LCORL: variants seen among roughly 807,000 people sequenced by gnomAD.
The protein encoded by LCORL is ligand dependent nuclear receptor corepressor like.
In LCORL, 41 loss-of-function variants were observed where a neutral mutation model predicts 141.8. The observed-to-expected ratio is 0.29, with a 90% CI of 0.23 to 0.38. The LOEUF (loss-of-function observed/expected upper bound fraction) is 0.38. LCORL is among the 10% of genes least tolerant of loss of function. LCORL has a pLI of 1.00. For missense variants in LCORL, 1,759 were observed against 2,035.0 expected, an observed-to-expected ratio of 0.86 and a Z score of 2.61; for synonymous variants, 618 against 694.1, an observed-to-expected ratio of 0.89 and a Z score of 1.72.
chr4:18,001,772 C>T (rs1722004380), intron 1 of LCORL, among the ~76,000 whole-genome samples: 1 of 152,156 alleles, frequency 6.6e-6, no homozygotes, highest in Admixed American at 6.5e-5. Flanking sequence ...TCACAATTCA[C>T]TACAAAATCA....
At chr4:17,892,359 C>T (rs1287348411) in intron 5 of LCORL, among the ~76,000 whole-genome samples, 2 of 151,942 alleles carry the variant, frequency 1.3e-5, no homozygotes, top group East Asian at 3.9e-4. Flanking sequence ...CAGGCACTGG[C>T]CACCAAGCCC....
intron 5 of LCORL, among the ~76,000 whole-genome samples, chr4:17,903,048 G>C (rs566618260): frequency 3.3e-5 from 5 of 152,072 alleles, no homozygotes; most frequent in African/African-American, 1.2e-4. Context: ...GTTTAAAATG[G>C]AAAATTTCAC....
chr4:17,910,739 T>G (rs1477920527), intron 4 of LCORL, among the ~76,000 whole-genome samples: 1 of 152,224 alleles, frequency 6.6e-6, no homozygotes, highest in East Asian at 1.9e-4. Context: ...AAACATGACT[T>G]AAGCTGATAT....
chr4:17,960,890 T>C (rs1437793134), intron 4 of LCORL, among the ~76,000 whole-genome samples: 6 of 146,108 alleles, frequency 4.1e-5, no homozygotes, highest in Non-Finnish European at 7.4e-5. Context: ...TTCTTAATTT[T>C]AGGCCTTTAA....
chr4:17,882,643 T>C, intron 6 of LCORL: 1 of 984,740 alleles, frequency 1.0e-6, no homozygotes, highest in Non-Finnish European at 1.2e-6. Context: ...AAAATGATAA[T>C]GTATCGCCCA....
chr4:17,916,451 A>C (rs1044768783), intron 4 of LCORL, among the ~76,000 whole-genome samples: 43 of 152,118 alleles, frequency 2.8e-4, no homozygotes, highest in African/African-American at 9.9e-4. Context: ...AGTCCACGTG[A>C]GATCTGGTTG....
intron 7 of LCORL, among the ~76,000 whole-genome samples, chr4:17,863,746 A>T (rs1725280496): frequency 6.6e-6 from 1 of 152,236 alleles, no homozygotes; most frequent in Non-Finnish European, 1.5e-5. Context: ...GACTCAACCT[A>T]AATCCCATCA....
chr4:17,874,306 A>T (rs1726691011), exon 7 of LCORL: 1 of 1,233,936 alleles, frequency 8.1e-7, no homozygotes, highest in Non-Finnish European at 1.0e-6. Flanking sequence ...GAAGGAGAAG[A>T]GAGTGCAAAT....
intron 1 of LCORL, among the ~76,000 whole-genome samples, chr4:18,007,305 T>C (rs922623546): frequency 2.6e-5 from 4 of 152,326 alleles, no homozygotes; most frequent in Middle Eastern, 3.4e-3. Flanking sequence ...GTATAAGCAC[T>C]TAATGCCTAA....
intron 5 of LCORL, among the ~76,000 whole-genome samples, chr4:17,896,296 CTT>C (rs1473085679): frequency 6.6e-6 from 1 of 152,040 alleles, no homozygotes; most frequent in Non-Finnish European, 1.5e-5. Flanking sequence ...CTCTCTCTCT[CTT>C]TCAAGAGGGA....
chr4:17,954,908 A>C (rs1712283428), intron 4 of LCORL, among the ~76,000 whole-genome samples: 1 of 152,210 alleles, frequency 6.6e-6, no homozygotes, highest in African/African-American at 2.4e-5. Flanking sequence ...TGGGATGCCT[A>C]TTAGCCACTG....
chr4:17,923,314 A>G (rs1387881013), intron 4 of LCORL, among the ~76,000 whole-genome samples: 5 of 152,146 alleles, frequency 3.3e-5, no homozygotes, highest in Non-Finnish European at 5.9e-5. Flanking sequence ...AAAAGGTTCT[A>G]ATAGTTTATT....
At chr4:17,976,314 T>G (rs890163618) in intron 1 of LCORL, among the ~76,000 whole-genome samples, 12 of 152,192 alleles carry the variant, frequency 7.9e-5, no homozygotes, top group African/African-American at 2.9e-4. Flanking sequence ...ATTTATTTCC[T>G]CTGTTATACA....
chr4:17,876,714 G>A, exon 7 of LCORL: 1 of 1,230,694 alleles, frequency 8.1e-7, no homozygotes, highest in Non-Finnish European at 1.0e-6. Flanking sequence ...TCTCAAAAGA[G>A]TTTGAGTATT....
At chr4:18,010,239 T>C (rs1723485844) in intron 1 of LCORL, among the ~76,000 whole-genome samples, 1 of 116,296 alleles carries the variant, frequency 8.6e-6, no homozygotes, top group Non-Finnish European at 2.0e-5. Flanking sequence ...ACATGCATTT[T>C]ACTTAAGTAT....
exon 7 of LCORL, chr4:17,875,197 T>G (rs1349342431): frequency 1.4e-5 from 17 of 1,231,668 alleles, no homozygotes; most frequent in Non-Finnish European, 1.6e-5. Flanking sequence ...TGAGGTGAAG[T>G]TCTATTAATA....
chr4:17,981,656 T>C (rs980662105), intron 1 of LCORL, among the ~76,000 whole-genome samples: 2 of 152,070 alleles, frequency 1.3e-5, no homozygotes, highest in African/African-American at 4.8e-5. Context: ...GAGGATCACC[T>C]GAACCCAGAA....
intron 5 of LCORL, among the ~76,000 whole-genome samples, chr4:17,889,385 T>C (rs550408412): frequency 6.6e-6 from 1 of 152,236 alleles, no homozygotes; most frequent in East Asian, 1.9e-4. Context: ...AGTAATATAT[T>C]ATGGTATCTA....
At chr4:17,940,482 ATATG>A (rs1383114087) in intron 4 of LCORL, among the ~76,000 whole-genome samples, 2 of 121,770 alleles carry the variant, frequency 1.6e-5, no homozygotes, top group Non-Finnish European at 3.5e-5. Flanking sequence ...TATGTAATAT[ATATG>A]TATTATGTAA....
Sources: gnomAD v4.1 joint callset for allele counts (sites outside exome capture counted in the v4.1 genomes callset) on GRCh38, gnomAD v4.1.1 for gene constraint, MANE v1.5 for transcripts, NCBI Gene and HGNC (gene_info 2026-07-23, HGNC 2026-07-21) for gene names.